Variants in COL24A1 observed in about 807,000 individuals in gnomAD.
COL24A1 encodes the protein collagen type XXIV alpha 1 chain, also known as collagen alpha-1(XXIV) chain.
In COL24A1, 224 loss-of-function variants were observed where a neutral mutation model predicts 253.9. That is an observed-to-expected ratio of 0.88 (90% confidence interval 0.79 to 0.99). The LOEUF is 0.99. COL24A1 is among the 50% of genes least tolerant of loss of function. The probability of loss-of-function intolerance (pLI) is 0.00; values close to 1 mark genes in which losing one functional copy is unlikely to be tolerated. For synonymous variants in COL24A1, 685 were observed against 673.7 expected, an observed-to-expected ratio of 1.02 and a Z score of -0.26; for missense variants, 2,131 against 2,068.5, an observed-to-expected ratio of 1.03 and a Z score of -0.59.
chr1:85,817,701 T>G (rs313759), intron 46 of COL24A1, among the ~76,000 whole-genome samples: 129,549 of 152,074 alleles, frequency 0.85, 55,491 homozygotes, highest in South Asian at 0.9. Flanking sequence ...TATGCTTGAA[T>G]ATCTCTGGCC....
At position 85,938,724 on chromosome 1, in the gene COL24A1, A is replaced by C. The variant is rs573941964; in HGVS notation, c.2562+22525T>G. ...AAGAACTTGTGTGGCCCAAGCTGTCAGTAGCTTCATGGTTTGCCTTAGTTC... is the reference window on the plus strand; with the variant it reads ...AAGAACTTGTGTGGCCCAAGCTGTCCGTAGCTTCATGGTTTGCCTTAGTTC... On this transcript the variant is annotated intron_variant, in intron 24 of 59. Transcript: ENST00000370571. Among the ~76,000 whole-genome samples, 5 of 146,554 alleles carry C rather than the reference A, an allele frequency of 3.4e-5. 1 individual carries two copies. The South Asian group carries it at 1.3e-3, about 37-fold the overall frequency.
chr1:86,140,518 A>T (rs1037800875), intron 2 of COL24A1, among the ~76,000 whole-genome samples: 3 of 152,352 alleles, frequency 2.0e-5, no homozygotes, highest in Admixed American at 2.0e-4. Flanking sequence ...CTGCAGCTAC[A>T]ATGAACTGCT....
intron 7 of COL24A1, among the ~76,000 whole-genome samples, chr1:86,080,958 G>A (rs1702591672): frequency 6.6e-6 from 1 of 151,892 alleles, no homozygotes; most frequent in Non-Finnish European, 1.5e-5. Context: ...AATAACCAAT[G>A]GGAAAATTTA....
rs1570741478 is a variant in COL24A1 at position 85,818,065 on chromosome 1, G to A, written c.3812C>T (p.Ala1271Val). ...GSEGNKGKKG[A>V]PGPSGKPGIP... Reference sequence around the variant, plus strand: ...CCCAGGTTTCCCAGAAGGACCAGGAGCTCCTTTTTTCCCCTTATTACCCTA... The same window carrying A: ...CCCAGGTTTCCCAGAAGGACCAGGAACTCCTTTTTTCCCCTTATTACCCTA... Residue 1271 changes from alanine to valine, a missense_variant, in exon 46 of 60, where the codon GCT becomes GTT. Physicochemically the swap from Ala to Val is moderately conservative, Grantham distance 64. Transcript: ENST00000370571. 1.2e-5 allele frequency: 19 copies of A among 1,613,506 alleles called. No homozygotes were observed. Among genetic ancestry groups the A allele is most frequent in the Non-Finnish European group, 1.6e-5 (19 of 1,179,618 alleles).
At chr1:86,155,560 G>C (rs1653449187) in intron 1 of COL24A1, 1 of 152,474 alleles carries the variant, frequency 6.6e-6, no homozygotes, top group African/African-American at 2.4e-5. Context: ...GAAGGCATGG[G>C]AGCAGGTACA....
At chr1:85,767,656 A>T (rs1426821401) in intron 53 of COL24A1, among the ~76,000 whole-genome samples, 1 of 151,156 alleles carries the variant, frequency 6.6e-6, no homozygotes, top group Non-Finnish European at 1.5e-5. Context: ...TTTTTTTTTT[A>T]AACAGCATAT....
At chr1:85,809,724 T>C (rs1028371794) in intron 47 of COL24A1, among the ~76,000 whole-genome samples, 2 of 150,452 alleles carry the variant, frequency 1.3e-5, no homozygotes, top group African/African-American at 2.4e-5. Context: ...GTAAGGTTGC[T>C]GTTTTTTTTG....
chr1:86,015,732 C>T (rs17405393), intron 19 of COL24A1, among the ~76,000 whole-genome samples: 20,875 of 152,088 alleles, frequency 0.14, 1,507 homozygotes, highest in Middle Eastern at 0.24. Context: ...ATTGTAGGCT[C>T]ATATGGAGAA....
In COL24A1 at chr1:85,889,545, T is replaced by C. The variant is rs767838385; in HGVS notation, c.2976+15A>G. On this transcript the variant is annotated intron_variant, in intron 32 of 59. Coordinates refer to ENST00000370571, the MANE Select transcript of COL24A1 (RefSeq NM_152890.7). ...TGAGAAAGACACAATTAGAAAAGTA[T>C]AAAGATAAACTTACTGGCTCTCCTG... The C allele has an allele frequency of 1.2e-6, 2 of 1,606,306 alleles. No homozygotes were observed. Among genetic ancestry groups the C allele is most frequent in the Admixed American group, 1.7e-5 (1 of 59,834 alleles).
At chr1:85,902,192 A>G (rs1198501234) in intron 28 of COL24A1, among the ~76,000 whole-genome samples, 4 of 152,190 alleles carry the variant, frequency 2.6e-5, no homozygotes, top group African/African-American at 4.8e-5. Flanking sequence ...TGTAGTTTCC[A>G]AAAGGGTGAG....
intron 52 of COL24A1, 69 bp downstream of exon 52, chr1:85,781,151 G>C (rs1669102516): frequency 1.8e-6 from 2 of 1,129,092 alleles, no homozygotes; most frequent in African/African-American, 3.2e-5. Context: ...CTAATTCTTT[G>C]TAGAATATTC....
chr1:86,132,124 A>G (rs1363075890), intron 2 of COL24A1, among the ~76,000 whole-genome samples: 3 of 152,190 alleles, frequency 2.0e-5, no homozygotes, highest in African/African-American at 4.8e-5. Flanking sequence ...AGTGATGATG[A>G]GCATTTTTTC....
At chr1:85,739,285 C>A (rs545344620) in intron 57 of COL24A1, among the ~76,000 whole-genome samples, 2 of 152,092 alleles carry the variant, frequency 1.3e-5, no homozygotes, top group African/African-American at 4.8e-5. Flanking sequence ...TTCCATCAAG[C>A]AAATTTTATT....
chr1:86,131,513 T>TC (rs994982972), intron 2 of COL24A1, among the ~76,000 whole-genome samples: 4 of 99,456 alleles, frequency 4.0e-5, no homozygotes, highest in African/African-American at 1.6e-4. Flanking sequence ...CCCTCCCCCC[T>TC]CCCCCCACCC....
intron 45 of COL24A1, among the ~76,000 whole-genome samples, chr1:85,820,324 T>A (rs774208921): frequency 3.3e-5 from 5 of 152,198 alleles, no homozygotes; most frequent in Non-Finnish European, 5.9e-5. Flanking sequence ...TAAGAATGTC[T>A]TTCTGAGTCC....
intron 11 of COL24A1, among the ~76,000 whole-genome samples, chr1:86,048,431 T>G (rs1056383320): frequency 6.6e-6 from 1 of 152,164 alleles, no homozygotes; most frequent in Non-Finnish European, 1.5e-5. Context: ...TAGGACACAG[T>G]ACCCGTGAGG....
At chr1:85,946,685 TA>T (rs1689353916) in intron 24 of COL24A1, among the ~76,000 whole-genome samples, 2 of 152,312 alleles carry the variant, frequency 1.3e-5, no homozygotes, top group African/African-American at 4.8e-5. Flanking sequence ...GAAGTAGAAT[TA>T]GAAATCCAGG....
intron 45 of COL24A1, among the ~76,000 whole-genome samples, chr1:85,822,606 A>G (rs1673762483): frequency 6.6e-6 from 1 of 152,186 alleles, no homozygotes; most frequent in Admixed American, 6.5e-5. Flanking sequence ...TTTCAAACCA[A>G]TTATGAGCCT....
Position 85,842,068 on chromosome 1 carries a change from C to T in COL24A1, c.3570G>A (p.Lys1190=). The change falls in exon 41 of 60, where the codon AAG becomes AAA. Residue 1190 remains lysine, a splice_region_variant and synonymous_variant. Coordinates refer to ENST00000370571, the MANE Select transcript of COL24A1 (RefSeq NM_152890.7). ...PSGLPGPKGE[K]GYPGEDSTVL... is the part of the protein sequence containing the mutation. ...TTAAAAAGCCAATATATACACAAAC[C>T]TTTTCTCCTTTAGGTCCTGGCAATC... 6 of 1,613,212 alleles carry T rather than the reference C, an allele frequency of 3.7e-6. No homozygotes were observed. The highest frequency in any genetic ancestry group is 4.2e-6 in the Non-Finnish European group (5 of 1,179,368).
Sources: allele counts gnomAD v4.1 joint callset (sites outside exome capture counted in the v4.1 genomes callset), GRCh38; gene constraint gnomAD v4.1.1; transcripts MANE v1.5; gene names NCBI Gene and HGNC (gene_info 2026-07-23, HGNC 2026-07-21).